The following ABCC11 variants were observed in gnomAD, a reference collection of about 807,000 sequenced individuals.
The protein encoded by ABCC11 is ATP binding cassette subfamily C member 11.
ABCC11 carries 135 observed loss-of-function variants against 149.3 expected under a neutral mutation model. The ratio of observed to expected loss-of-function variants is 0.90; its 90% confidence interval spans 0.79 to 1.04. ABCC11 has a LOEUF of 1.04. Ranked by LOEUF, ABCC11 falls within the 50% of genes least tolerant of loss-of-function variation. The probability of loss-of-function intolerance (pLI) is 0.00; values close to 1 mark genes in which losing one functional copy is unlikely to be tolerated. For missense variants in ABCC11, 1,680 were observed against 1,722.1 expected, an observed-to-expected ratio of 0.98 and a Z score of 0.43; for synonymous variants, 665 against 671.4, an observed-to-expected ratio of 0.99 and a Z score of 0.15.
In ABCC11 at chr16:48,173,808, A is replaced by C. The variant is rs767175145; in HGVS notation, c.3698+1450T>G. ...TCTGGCTAATTTTTGTATTTTTAGCAGAGACAGGGTTTTGTCATGTTGGCC... is the reference window on the plus strand; with the variant it reads ...TCTGGCTAATTTTTGTATTTTTAGCCGAGACAGGGTTTTGTCATGTTGGCC... On this transcript the variant is annotated intron_variant, in intron 26 of 29. Coordinates refer to ENST00000356608, the MANE Select transcript of ABCC11 (RefSeq NM_001370497.1). 4.7e-5 allele frequency among the ~76,000 whole-genome samples: 7 copies of C among 150,266 alleles called. No individual in the cohort carries two copies. In the East Asian group the frequency reaches 5.8e-4, roughly 12 times the overall value.
intron 4 of ABCC11, among the ~76,000 whole-genome samples, chr16:48,224,859 G>A (rs1048724366): frequency 2.6e-5 from 4 of 151,976 alleles, no homozygotes; most frequent in African/African-American, 9.7e-5. Context: ...CCCCATCTCT[G>A]CTAAAAATAC....
At chr16:48,232,175 C>G in intron 1 of ABCC11, 1 of 934,430 alleles carries the variant, frequency 1.1e-6, no homozygotes, top group Non-Finnish European at 1.4e-6. Flanking sequence ...ACCACCCTCC[C>G]CAACCCACCC....
intron 26 of ABCC11, among the ~76,000 whole-genome samples, chr16:48,173,046 T>A (rs553297624): frequency 6.6e-6 from 1 of 152,338 alleles, no homozygotes; most frequent in South Asian, 2.1e-4. Context: ...CTTATTTGCA[T>A]GACATTTGAT....
rs1308610908 is a variant in ABCC11 at position 48,222,830 on chromosome 16, A to T, written c.545T>A (p.Ile182Lys). 1.2e-6 allele frequency: 2 copies of T among 1,609,628 alleles called. No homozygotes were observed. Among genetic ancestry groups the T allele is most frequent in the South Asian group, 2.2e-5 (2 of 90,922 alleles). The change falls in exon 6 of 30, where the codon ATA becomes AAA. Residue 182 changes from isoleucine to lysine, a missense_variant and splice_region_variant. Transcript: ENST00000356608. Reference sequence around the variant, plus strand: ...TTCCAGGATCTTTGGTATAATCAATATCTACAAGGAAATGGGAGTTTGGAT... The same window carrying T: ...TTCCAGGATCTTTGGTATAATCAATTTCTACAAGGAAATGGGAGTTTGGAT... Reference protein sequence around the residue: ...CFCIASVLGPILIIPKILEYS... With the variant: ...CFCIASVLGPKLIIPKILEYS...
At chr16:48,218,278 A>T (rs549886039) in intron 6 of ABCC11, among the ~76,000 whole-genome samples, 61 of 152,318 alleles carry the variant, frequency 4.0e-4, no homozygotes, top group Non-Finnish European at 8.2e-4. Context: ...CCTGGGTGAT[A>T]GAGTGAGAAC....
intron 24 of ABCC11, 77 bp downstream of exon 24, chr16:48,178,520 G>C: frequency 7.1e-7 from 1 of 1,398,690 alleles, no homozygotes; most frequent in Non-Finnish European, 1.0e-6. Context: ...TCTGAGGCCA[G>C]TGGGGCTTGT....
chr16:48,183,133 G>T (rs76361012), intron 23 of ABCC11, among the ~76,000 whole-genome samples: 12,274 of 152,264 alleles, frequency 0.081, 538 homozygotes, highest in African/African-American at 0.11. Flanking sequence ...GTGTGCACAG[G>T]CTCACATTCT....
chr16:48,193,926 T>G lies in ABCC11; in HGVS notation c.2461A>C (p.Ile821Leu). 1 of 1,613,860 alleles carries G rather than the reference T, an allele frequency of 6.2e-7. No homozygotes were observed. The highest frequency in any genetic ancestry group is 1.1e-5 in the South Asian group (1 of 91,052). ...TAGCTCAGCCACCAGAAGCTGAAGA[T>G]CGTTAAGAAGACGATCAGCACCACG... ...FFVVLIVFLTIFSFWWLSYWL... is the reference protein window; with the variant it reads ...FFVVLIVFLTLFSFWWLSYWL... Residue 821 changes from isoleucine (I) to leucine (L), a missense_variant, in exon 19 of 30, where the codon ATC (isoleucine) becomes CTC (leucine). Ile to Leu is a conservative substitution (Grantham distance 5). Transcript: ENST00000356608.
chr16:48,216,383 G>T (rs1188527308), intron 6 of ABCC11, 96 bp from the exon 7 acceptor site: 2 of 1,255,862 alleles, frequency 1.6e-6, no homozygotes, highest in African/African-American at 1.5e-5. Flanking sequence ...TAGCAGGAAG[G>T]CTTGAAAGGA....
At chr16:48,243,628 T>C (rs1018029413) in intron 1 of ABCC11, among the ~76,000 whole-genome samples, 7 of 152,162 alleles carry the variant, frequency 4.6e-5, no homozygotes, top group African/African-American at 1.7e-4. Flanking sequence ...TGAACTATGA[T>C]TATGTAAGAT....
At chr16:48,238,634 G>A (rs543319614) in intron 1 of ABCC11, among the ~76,000 whole-genome samples, 7 of 151,928 alleles carry the variant, frequency 4.6e-5, no homozygotes, top group East Asian at 3.9e-4. Flanking sequence ...TAATATTATC[G>A]GATTAGAATC....
In ABCC11 at chr16:48,205,532, G is replaced by T. The variant is rs139021058; in HGVS notation, c.1686C>A (p.His562Gln). 956 of 1,613,544 alleles carry T rather than the reference G, an allele frequency of 5.9e-4. No homozygotes were observed. Among genetic ancestry groups the T allele is most frequent in the Non-Finnish European group, 7.7e-4 (913 of 1,179,692 alleles). ...GCACCCCCACCGAGCCCTCGAGCAA[G>T]TGCATCTGCGGCAGAATGAGTCCAG... is the stretch of plus-strand genomic sequence containing the variant. The part of the protein sequence containing the change: ...SLLSAILEEM[H>Q]LLEGSVGVQG... The change falls in exon 13 of 30, where the codon CAC becomes CAA. Residue 562 changes from histidine to glutamine, a missense_variant. Coordinates refer to ENST00000356608, the MANE Select transcript of ABCC11 (RefSeq NM_001370497.1).
chr16:48,222,522 C>G, intron 6 of ABCC11, 76 bp downstream of exon 6: 1 of 1,291,144 alleles, frequency 7.7e-7, no homozygotes, highest in Non-Finnish European at 1.1e-6. Flanking sequence ...TTCTCCCTCT[C>G]TTGGCCCCCA....
At chr16:48,182,613 A>C (rs1227105104) in intron 23 of ABCC11, among the ~76,000 whole-genome samples, 1 of 152,066 alleles carries the variant, frequency 6.6e-6, no homozygotes, top group Admixed American at 6.5e-5. Flanking sequence ...TCCCATCTCT[A>C]CTAAAAAAAA....
intron 11 of ABCC11, 28 bp from the exon 12 acceptor site, chr16:48,208,524 T>C: frequency 6.2e-7 from 1 of 1,613,630 alleles, no homozygotes; most frequent in South Asian, 1.1e-5. Context: ...CATACAAGTG[T>C]TGGGACAGCA....
chr16:48,244,659 CG>C, intron 1 of ABCC11: 1 of 1,301,392 alleles, frequency 7.7e-7, no homozygotes, highest in Non-Finnish European at 9.8e-7. Context: ...GCGGGCGGCG[CG>C]GCCTCCTCCG....
chr16:48,184,036 G>A (rs145032892), intron 23 of ABCC11, among the ~76,000 whole-genome samples: 104 of 152,316 alleles, frequency 6.8e-4, no homozygotes, highest in African/African-American at 2.1e-3. Context: ...GGATAGGAAC[G>A]GTTAGGTACA....
chr16:48,229,630 A>C (rs1269228928), intron 3 of ABCC11, among the ~76,000 whole-genome samples: 1 of 150,340 alleles, frequency 6.7e-6, no homozygotes, highest in Non-Finnish European at 1.5e-5. Context: ...GCACCCGGCT[A>C]ATTTTTTGTA....
chr16:48,209,118 G>A (rs1033659051), intron 11 of ABCC11, among the ~76,000 whole-genome samples: 4 of 152,178 alleles, frequency 2.6e-5, no homozygotes, highest in African/African-American at 9.7e-5. Flanking sequence ...ATTTTAGATG[G>A]GTCAGCCAGG....
Sources: allele counts gnomAD v4.1 joint callset (sites outside exome capture counted in the v4.1 genomes callset), GRCh38; gene constraint gnomAD v4.1.1; transcripts MANE v1.5; gene names NCBI Gene and HGNC (gene_info 2026-07-23, HGNC 2026-07-21).